NUDT14: variants seen among roughly 807,000 people sequenced by gnomAD.
The protein encoded by NUDT14 is uridine diphosphate glucose pyrophosphatase NUDT14.
A neutral mutation model predicts 17.5 loss-of-function variants in NUDT14; 22 were observed. That is an observed-to-expected ratio of 1.26 (90% CI 0.90 to 1.80). The LOEUF is 1.80. Among genes scored for constraint, NUDT14 ranks in the 40% most tolerant of loss-of-function variants. NUDT14 has a pLI of 0.00. For missense variants in NUDT14, 296 were observed against 295.6 expected (o/e 1.00, Z -0.01); for synonymous variants, 129 against 125.8 (o/e 1.03, Z -0.17).
At chr14:105,176,441 A>C (rs1163352095) in intron 4 of NUDT14, 93 bp downstream of exon 4, 2 of 1,033,452 alleles carry the variant, frequency 1.9e-6, no homozygotes, top group African/African-American at 1.6e-5. Flanking sequence ...ACAAGGAGGA[A>C]TCCATCCTGC....
intron 1 of NUDT14, among the ~76,000 whole-genome samples, chr14:105,179,624 C>T (rs1460672698): frequency 6.6e-6 from 1 of 152,252 alleles, no homozygotes; most frequent in East Asian, 1.9e-4. Flanking sequence ...AGACCCAGCC[C>T]TGTGGGGACT....
chr14:105,176,019 C>G, intron 4 of NUDT14: 1 of 1,253,566 alleles, frequency 8.0e-7, no homozygotes, highest in Non-Finnish European at 1.0e-6. Context: ...ATACCAACAT[C>G]TAGTCCTGGG....
chr14:105,173,348 C>T lies in NUDT14; in HGVS notation c.429-87G>A, dbSNP rs1889145269. 1 of 1,363,480 alleles carries T rather than the reference C, an allele frequency of 7.3e-7. No individual in the cohort carries two copies. The highest frequency in any genetic ancestry group is 9.5e-7 in the Non-Finnish European group (1 of 1,052,294). The allele number at this position is 1,363,480 out of a possible 1,614,324, so 84.5% of individuals were successfully genotyped here. On this transcript the variant is annotated intron_variant, in intron 4 of 4. Transcript: ENST00000392568. The surrounding 1 kb of genome is among the most constrained non-coding windows in gnomAD (Gnocchi z 4.7). ...TCTACCACCCTCCAACCCACCCTCT[C>T]CACTCTGCTCCCTCCAGCCCTCCAG...
intron 3 of NUDT14, 68 bp from the exon 4 acceptor site, chr14:105,176,839 C>G: frequency 6.4e-7 from 1 of 1,569,742 alleles, no homozygotes; most frequent in Non-Finnish European, 8.7e-7. Flanking sequence ...CCCACACAGC[C>G]AAGCCCCCTC....
chr14:105,178,461 C>T (rs1889263215), intron 1 of NUDT14, among the ~76,000 whole-genome samples: 1 of 152,186 alleles, frequency 6.6e-6, no homozygotes, highest in African/African-American at 2.4e-5. Context: ...GGGCACACCA[C>T]CCTGGCAGGC....
Position 105,176,539 on chromosome 14 carries a change from T to A in NUDT14, c.423A>T (p.Thr141=), listed in dbSNP as rs905253520. ...GAGGGCCTGGTCCCACTCACCAGTATGTGGCGACCCGGCGCAGATCAGAGG... is the reference window on the plus strand; with the variant it reads ...GAGGGCCTGGTCCCACTCACCAGTAAGTGGCGACCCGGCGCAGATCAGAGG... ...LAPSDLRRVA[T]YWSGVGLTGS... The change falls in exon 4 of 5, where the codon ACA becomes ACT. Residue 141 remains threonine (T), a synonymous_variant. Coordinates refer to ENST00000392568, the MANE Select transcript of NUDT14 (RefSeq NM_177533.5). The A allele has an allele frequency of 6.2e-7, 1 of 1,611,500 alleles. No homozygotes were observed. The highest frequency in any genetic ancestry group is 1.3e-5 in the African/African-American group (1 of 74,912).
At chr14:105,176,909 ACAGGGAC>A in intron 3 of NUDT14, 47 bp downstream of exon 3, 3 of 1,573,498 alleles carry the variant, frequency 1.9e-6, no homozygotes, top group Non-Finnish European at 2.6e-6. Flanking sequence ...CCTCAGGACC[ACAGGGAC>A]CTGAAGGTGA....
At chr14:105,180,165 G>A (rs950756997) in intron 1 of NUDT14, among the ~76,000 whole-genome samples, 9 of 152,224 alleles carry the variant, frequency 5.9e-5, no homozygotes, top group African/African-American at 2.2e-4. Flanking sequence ...TGTGGGAAAA[G>A]GATGGCAGCA....
In NUDT14 at chr14:105,173,331, C is replaced by A. The variant is rs909631736; in HGVS notation, c.429-70G>T. 1 of 1,412,640 alleles carries A rather than the reference C, an allele frequency of 7.1e-7. No individual in the cohort carries two copies. 87.5% of individuals were successfully genotyped at this position (1,412,640 alleles called of 1,614,324 possible). A position where few individuals can be genotyped will look rare whatever the true frequency, so the allele number is the denominator to read the frequency against. ...GCTGGCCCCCTGGCCCTTCTACCACCCTCCAACCCACCCTCTCCACTCTGC... is the reference window on the plus strand; with the variant it reads ...GCTGGCCCCCTGGCCCTTCTACCACACTCCAACCCACCCTCTCCACTCTGC... On this transcript the variant is annotated intron_variant, in intron 4 of 4. Coordinates refer to ENST00000392568, the MANE Select transcript of NUDT14 (RefSeq NM_177533.5). The surrounding 1 kb of genome is among the most constrained non-coding windows in gnomAD (Gnocchi z 4.7).
At position 105,177,776 on chromosome 14, in the gene NUDT14, G is replaced by A. The variant is rs1181770905; in HGVS notation, c.82-41C>T. ...CAGCGGTTAGAATGTCCCAGGATGGGCGGAGGTGCTCGGGGAACCGAGGAG... is the reference window on the plus strand; with the variant it reads ...CAGCGGTTAGAATGTCCCAGGATGGACGGAGGTGCTCGGGGAACCGAGGAG... On this transcript the variant is annotated intron_variant, in intron 1 of 4. Coordinates refer to ENST00000392568, the MANE Select transcript of NUDT14 (RefSeq NM_177533.5). The A allele has an allele frequency of 3.1e-6, 5 of 1,601,576 alleles. No individual in the cohort carries two copies. In the African/African-American group the frequency reaches 5.4e-5, roughly 17 times the overall value.
chr14:105,174,845 G>C (rs1489197807), intron 4 of NUDT14, among the ~76,000 whole-genome samples: 1 of 152,164 alleles, frequency 6.6e-6, no homozygotes, highest in Non-Finnish European at 1.5e-5. Context: ...CTTGTCCTTT[G>C]CAGCGGCAGG....
At chr14:105,177,266 G>A (rs749914039) in intron 2 of NUDT14, 1 of 643,400 alleles carries the variant, frequency 1.6e-6, no homozygotes, top group South Asian at 1.7e-5. Flanking sequence ...GAGGCGGGGG[G>A]CAGGGAAGGA....
At position 105,173,415 on chromosome 14, in the gene NUDT14, C is replaced by T. The variant is rs919920658; in HGVS notation, c.429-154G>A. On this transcript the variant is annotated intron_variant, in intron 4 of 4. Transcript: ENST00000392568. This position sits in a 1 kb window ranked among gnomAD's most constrained non-coding sequence, Gnocchi z 4.7. ...ATGCCCTCTCCCACCCGGATTCCCA[C>T]CTGGTGTGCACGCCCGTGGCCCCTC... 1 of 855,210 alleles carries T rather than the reference C, an allele frequency of 1.2e-6. No individual in the cohort carries two copies. The highest frequency in any genetic ancestry group is 1.6e-6 in the Non-Finnish European group (1 of 618,998). The allele number at this position is 855,210 out of a possible 1,614,324, so 53.0% of individuals were successfully genotyped here. A position where few individuals can be genotyped will look rare whatever the true frequency, so the allele number is the denominator to read the frequency against.
At position 105,176,732 on chromosome 14, in the gene NUDT14, G is replaced by C. The variant is rs1889221988; in HGVS notation, c.230C>G (p.Ser77Cys). Residue 77 changes from serine (S) to cysteine (C), a missense_variant, in exon 4 of 5, where the codon TCC (serine) becomes TGC (cysteine). Physicochemically the swap from Ser to Cys is moderately radical, Grantham distance 112. Transcript: ENST00000392568. ...AGEVERRFPGSLAAVDQDGPR... is the reference protein window; with the variant it reads ...AGEVERRFPGCLAAVDQDGPR... ...CCCGTCCTGGTCTACAGCTGCTAGG[G>C]ACCCTGGGAAGCGGCGCTCCACCTC... The C allele has an allele frequency of 2.5e-6, 4 of 1,612,670 alleles. No individual in the cohort carries two copies. The highest frequency in any genetic ancestry group is 3.4e-6 in the Non-Finnish European group (4 of 1,179,970).
At chr14:105,180,722 G>A (rs766600516) in intron 1 of NUDT14, among the ~76,000 whole-genome samples, 3 of 152,120 alleles carry the variant, frequency 2.0e-5, no homozygotes, top group African/African-American at 4.8e-5. Context: ...CCCGGCCTCT[G>A]CGCTCCTTGC....
intron 1 of NUDT14, among the ~76,000 whole-genome samples, chr14:105,177,961 C>A (rs1249671259): frequency 1.3e-5 from 2 of 151,950 alleles, no homozygotes; most frequent in African/African-American, 4.8e-5. Context: ...AGGCAGAAGA[C>A]CAGGGCAAAG....
At chr14:105,180,129 G>T (rs988197008) in intron 1 of NUDT14, among the ~76,000 whole-genome samples, 1 of 152,180 alleles carries the variant, frequency 6.6e-6, no homozygotes, top group African/African-American at 2.4e-5. Context: ...GGAGGAAGAC[G>T]GCCCGGGACT....
At chr14:105,177,063 T>C in intron 2 of NUDT14, 36 bp from the exon 3 acceptor site, 1 of 1,601,512 alleles carries the variant, frequency 6.2e-7, no homozygotes, top group South Asian at 1.1e-5. Context: ...ACAGAAGCAC[T>C]CCACTGGCCC....
intron 1 of NUDT14, 96 bp from the exon 2 acceptor site, chr14:105,177,831 C>T (rs1013867862): frequency 1.7e-6 from 2 of 1,195,616 alleles, no homozygotes; most frequent in African/African-American, 1.5e-5. Flanking sequence ...CACTCCTAAC[C>T]AGGGAGATCG....
Sources: gnomAD v4.1 joint callset for allele counts (sites outside exome capture counted in the v4.1 genomes callset) on GRCh38, gnomAD v4.1.1 for gene constraint, Gnocchi (gnomAD v3.1) non-coding constraint, MANE v1.5 for transcripts, NCBI Gene and HGNC (gene_info 2026-07-23, HGNC 2026-07-21) for gene names.